The following GALNT17 variants were observed in gnomAD, a reference collection of about 807,000 sequenced individuals.
The protein encoded by GALNT17 is UDP-GalNAc:polypeptide N-acetylgalactosaminyltransferase-like 3.
Under a neutral mutation model 63.7 loss-of-function variants are expected in GALNT17, and 29 were observed. The observed-to-expected ratio is 0.46, with a 90% CI of 0.34 to 0.62. GALNT17 has a LOEUF of 0.62. GALNT17 is among the 20% of genes least tolerant of loss of function. The pLI is 0.01. For synonymous variants in GALNT17, 305 were observed against 318.3 expected (o/e 0.96, Z 0.45); for missense variants, 603 against 799.6 (o/e 0.75, Z 2.97).
At chr7:71,386,289 A>G (rs73360155) in intron 2 of GALNT17, among the ~76,000 whole-genome samples, 6,097 of 152,292 alleles carry the variant, frequency 0.04, 349 homozygotes, top group African/African-American at 0.12. Flanking sequence ...GCTGCTCAGC[A>G]TAAGAAACAG....
At chr7:71,661,282 G>C (rs1475696214) in intron 6 of GALNT17, among the ~76,000 whole-genome samples, 1 of 152,160 alleles carries the variant, frequency 6.6e-6, no homozygotes, top group African/African-American at 2.4e-5. Context: ...CTTACTGACT[G>C]TGGGGTTATG....
chr7:71,424,886 T>C (rs1786730120), intron 5 of GALNT17, among the ~76,000 whole-genome samples: 1 of 152,352 alleles, frequency 6.6e-6, no homozygotes, highest in Non-Finnish European at 1.5e-5. Context: ...GATGAGTCTT[T>C]AGATACTGAG....
chr7:71,185,802 C>T (rs144521001), intron 1 of GALNT17, among the ~76,000 whole-genome samples: 4,210 of 152,260 alleles, frequency 0.028, 170 homozygotes, highest in East Asian at 0.11. Context: ...CCACTGCGCC[C>T]GGCCCCCATT....
intron 5 of GALNT17, among the ~76,000 whole-genome samples, chr7:71,533,967 G>A (rs62459930): frequency 0.049 from 7,529 of 152,214 alleles, 209 homozygotes; most frequent in Middle Eastern, 0.085. Context: ...ACAGGAATTC[G>A]GAGTAAGGAA....
At chr7:71,316,578 A>G (rs1190729177) in intron 1 of GALNT17, among the ~76,000 whole-genome samples, 1 of 152,168 alleles carries the variant, frequency 6.6e-6, no homozygotes, top group Non-Finnish European at 1.5e-5. Context: ...CAGGACTTCT[A>G]AATAAGCACC....
At chr7:71,145,583 G>T (rs2116191222) in intron 1 of GALNT17, among the ~76,000 whole-genome samples, 1 of 152,316 alleles carries the variant, frequency 6.6e-6, no homozygotes, top group South Asian at 2.1e-4. Flanking sequence ...CCATGAGCAA[G>T]CAGGTCAGAG....
At chr7:71,436,729 T>A (rs4717595) in intron 5 of GALNT17, among the ~76,000 whole-genome samples, 82,825 of 149,064 alleles carry the variant, frequency 0.56, 25,054 homozygotes, top group Non-Finnish European at 0.69. Context: ...AAAAAAAAAA[T>A]AAAAAATAAA....
chr7:71,532,116 T>G (rs1788730241), intron 5 of GALNT17, among the ~76,000 whole-genome samples: 1 of 152,172 alleles, frequency 6.6e-6, no homozygotes, highest in South Asian at 2.1e-4. Flanking sequence ...AGAGTTCTTG[T>G]CTTCCTTCAC....
intron 1 of GALNT17, among the ~76,000 whole-genome samples, chr7:71,289,056 G>T (rs1299555673): frequency 6.6e-6 from 1 of 152,146 alleles, no homozygotes; most frequent in African/African-American, 2.4e-5. Flanking sequence ...CCCTTCAGCA[G>T]TACAGGGGTT....
chr7:71,381,910 A>G (rs1027281716), intron 2 of GALNT17, among the ~76,000 whole-genome samples: 1 of 152,172 alleles, frequency 6.6e-6, no homozygotes, highest in Non-Finnish European at 1.5e-5. Context: ...AGGGGAGAAG[A>G]GGCAAGTGGG....
At chr7:71,532,741 C>T (rs1412712221) in intron 5 of GALNT17, among the ~76,000 whole-genome samples, 3 of 152,196 alleles carry the variant, frequency 2.0e-5, no homozygotes, top group Non-Finnish European at 4.4e-5. Context: ...TCACTCCCAT[C>T]TGCAGACCTC....
intron 6 of GALNT17, among the ~76,000 whole-genome samples, chr7:71,640,563 T>C (rs1397751176): frequency 6.6e-6 from 1 of 152,200 alleles, no homozygotes; most frequent in Non-Finnish European, 1.5e-5. Flanking sequence ...AATACTTAAA[T>C]ATCCTCTTGA....
intron 2 of GALNT17, among the ~76,000 whole-genome samples, chr7:71,383,896 G>T (rs1463556023): frequency 6.6e-6 from 1 of 152,112 alleles, no homozygotes; most frequent in Non-Finnish European, 1.5e-5. Context: ...ATTTAGCTGC[G>T]AATAATGCTC....
chr7:71,597,159 TC>T (rs1379135888), intron 6 of GALNT17, among the ~76,000 whole-genome samples: 9 of 151,454 alleles, frequency 5.9e-5, no homozygotes, highest in African/African-American at 2.2e-4. Context: ...TGCCTCAGCC[TC>T]CCAAGTAGCT....
intron 5 of GALNT17, among the ~76,000 whole-genome samples, chr7:71,524,958 TCTC>T (rs777175953): frequency 9.2e-5 from 14 of 152,170 alleles, no homozygotes; most frequent in Non-Finnish European, 1.6e-4. Flanking sequence ...CTAGTTTACA[TCTC>T]CTATTTGCAT....
intron 1 of GALNT17, among the ~76,000 whole-genome samples, chr7:71,144,921 G>A (rs940334970): frequency 3.3e-5 from 5 of 152,206 alleles, no homozygotes; most frequent in Admixed American, 1.3e-4. Flanking sequence ...GTAGAGATGG[G>A]GTTTCACCAT....
intron 1 of GALNT17, among the ~76,000 whole-genome samples, chr7:71,322,866 A>G (rs952976641): frequency 1.3e-5 from 2 of 152,062 alleles, no homozygotes; most frequent in African/African-American, 4.8e-5. Context: ...GTTTACCTTA[A>G]TCTTGGACTT....
chr7:71,148,249 C>A (rs557052198), intron 1 of GALNT17, among the ~76,000 whole-genome samples: 1 of 152,194 alleles, frequency 6.6e-6, no homozygotes, highest in Non-Finnish European at 1.5e-5. Flanking sequence ...AGTGTCATAG[C>A]TCATGTCACT....
intron 9 of GALNT17, among the ~76,000 whole-genome samples, chr7:71,709,791 G>A (rs567378042): frequency 4.9e-4 from 74 of 152,228 alleles, no homozygotes; most frequent in African/African-American, 1.6e-3. Context: ...AAGAGACGGA[G>A]TTTGGCCATG....
Sources: allele counts gnomAD v4.1 joint callset (sites outside exome capture counted in the v4.1 genomes callset), GRCh38; gene constraint gnomAD v4.1.1; transcripts MANE v1.5; gene names NCBI Gene and HGNC (gene_info 2026-07-23, HGNC 2026-07-21).